Variants in EXOC6B observed in about 807,000 individuals in gnomAD.
The protein encoded by EXOC6B is SEC15 homolog B.
EXOC6B carries 54 observed loss-of-function variants against 113.5 expected under a neutral mutation model. The observed-to-expected ratio is 0.48, with a 90% confidence interval of 0.38 to 0.60. EXOC6B has a LOEUF of 0.60. Among genes scored for constraint, EXOC6B ranks in the 20% least tolerant of loss-of-function variants. The pLI is 0.00. For synonymous variants in EXOC6B, 357 were observed against 339.0 expected (o/e 1.05, Z -0.58); for missense variants, 797 against 977.5 (o/e 0.82, Z 2.46).
intron 6 of EXOC6B, among the ~76,000 whole-genome samples, chr2:72,686,126 A>G (rs1241590666): frequency 6.6e-6 from 1 of 151,914 alleles, no homozygotes. Context: ...TTTTTCCCCA[A>G]TTTTCTCCGG....
Position 72,638,456 on chromosome 2 carries a change from CA to C in EXOC6B, c.670-62789del, listed in dbSNP as rs559211139. 2.0e-5 allele frequency among the ~76,000 whole-genome samples: 3 copies of C among 152,164 alleles called. No individual in the cohort carries two copies. In the East Asian group the frequency reaches 5.8e-4, roughly 29 times the overall value. On this transcript the variant is annotated intron_variant, in intron 6 of 21. Transcript: ENST00000272427. ...GACAAGACAACTGGTATAATCCAAA[CA>C]GATCTTCTGAGAGAAGGTACCGAGA...
chr2:72,805,004 T>C (rs1318712036), intron 1 of EXOC6B, among the ~76,000 whole-genome samples: 2 of 152,212 alleles, frequency 1.3e-5, no homozygotes, highest in Non-Finnish European at 2.9e-5. Flanking sequence ...AATTTCAAAG[T>C]ATTTCTAGTA....
chr2:72,401,566 C>T (rs372718268), intron 18 of EXOC6B, among the ~76,000 whole-genome samples: 381 of 14,704 alleles, frequency 0.026, 9 homozygotes, highest in Middle Eastern at 0.12. Context: ...TATATATATA[C>T]ATATATATAT....
chr2:72,619,636 T>G (rs1671624575), intron 6 of EXOC6B, among the ~76,000 whole-genome samples: 1 of 151,960 alleles, frequency 6.6e-6, no homozygotes, highest in African/African-American at 2.4e-5. Context: ...TCAAGAATAG[T>G]GAGAGAGTCA....
chr2:72,263,865 G>A (rs1338978121), intron 20 of EXOC6B, among the ~76,000 whole-genome samples: 1 of 152,156 alleles, frequency 6.6e-6, no homozygotes, highest in South Asian at 2.1e-4. Flanking sequence ...AAGGGAAATT[G>A]TCTCTTTCAG....
At chr2:72,793,983 C>G (rs534160570) in intron 1 of EXOC6B, among the ~76,000 whole-genome samples, 74 of 152,302 alleles carry the variant, frequency 4.9e-4, no homozygotes, top group Non-Finnish European at 8.4e-4. Flanking sequence ...CCAGCAGGAG[C>G]TGCTCTAAAT....
intron 1 of EXOC6B, among the ~76,000 whole-genome samples, chr2:72,818,478 A>G (rs1476118311): frequency 6.6e-6 from 1 of 151,896 alleles, no homozygotes; most frequent in African/African-American, 2.4e-5. Context: ...TATTTTTAGT[A>G]GAGACACGGT....
At chr2:72,409,872 T>A (rs1694048752) in intron 18 of EXOC6B, among the ~76,000 whole-genome samples, 1 of 151,526 alleles carries the variant, frequency 6.6e-6, no homozygotes, top group Non-Finnish European at 1.5e-5. Context: ...TATAATAAAA[T>A]ATATATATAT....
intron 18 of EXOC6B, among the ~76,000 whole-genome samples, chr2:72,438,575 G>A (rs1011201224): frequency 6.6e-6 from 1 of 152,162 alleles, no homozygotes; most frequent in Admixed American, 6.5e-5. Context: ...TGCCACTGCA[G>A]TCAATACTGC....
intron 20 of EXOC6B, among the ~76,000 whole-genome samples, chr2:72,278,634 G>T (rs1684942678): frequency 6.6e-6 from 1 of 152,128 alleles, no homozygotes; most frequent in Admixed American, 6.6e-5. Context: ...GCTACTTAAT[G>T]GCTGTATGAT....
At chr2:72,249,356 G>A (rs946824867) in intron 20 of EXOC6B, among the ~76,000 whole-genome samples, 1 of 152,058 alleles carries the variant, frequency 6.6e-6, no homozygotes, top group African/African-American at 2.4e-5. Context: ...CCGGGTTCAC[G>A]TCATTCTCCT....
chr2:72,711,354 A>G (rs1415248024), intron 6 of EXOC6B, among the ~76,000 whole-genome samples: 1 of 152,200 alleles, frequency 6.6e-6, no homozygotes, highest in Non-Finnish European at 1.5e-5. Flanking sequence ...ACCTACATGT[A>G]TGTCCACTAA....
chr2:72,478,537 T>A (rs569079789), intron 17 of EXOC6B, among the ~76,000 whole-genome samples: 2 of 152,330 alleles, frequency 1.3e-5, no homozygotes, highest in South Asian at 4.1e-4. Flanking sequence ...TTTTAAGCAA[T>A]CAGTGTTTCC....
intron 1 of EXOC6B, among the ~76,000 whole-genome samples, chr2:72,805,044 G>T (rs970458383): frequency 2.0e-5 from 3 of 152,126 alleles, no homozygotes; most frequent in Non-Finnish European, 4.4e-5. Context: ...AAACCTTCTA[G>T]AATTCTGCCT....
intron 6 of EXOC6B, among the ~76,000 whole-genome samples, chr2:72,674,525 C>T (rs886722988): frequency 6.6e-6 from 1 of 152,144 alleles, no homozygotes; most frequent in Admixed American, 6.5e-5. Flanking sequence ...GGTAATGAAT[C>T]GTATACCTTT....
chr2:72,807,400 A>T (rs1685637197), intron 1 of EXOC6B, among the ~76,000 whole-genome samples: 1 of 152,144 alleles, frequency 6.6e-6, no homozygotes, highest in Non-Finnish European at 1.5e-5. Context: ...TGGTACCAGT[A>T]CCATGCTATT....
intron 18 of EXOC6B, chr2:72,464,189 C>T (rs1697891302): frequency 6.6e-6 from 1 of 152,090 alleles, no homozygotes; most frequent in African/African-American, 2.4e-5. Flanking sequence ...TGACAATCCC[C>T]AACACTTTTT....
intron 6 of EXOC6B, among the ~76,000 whole-genome samples, chr2:72,656,652 C>T (rs1056614065): frequency 1.3e-5 from 2 of 151,970 alleles, no homozygotes; most frequent in Non-Finnish European, 2.9e-5. Flanking sequence ...GGGTGAAAGT[C>T]AAAATTCTTC....
chr2:72,236,186 G>A (rs1681948120), intron 20 of EXOC6B, among the ~76,000 whole-genome samples: 1 of 152,156 alleles, frequency 6.6e-6, no homozygotes, highest in Non-Finnish European at 1.5e-5. Context: ...AAATCAAAGT[G>A]CATAATCCCT....
Sources: allele counts gnomAD v4.1 joint callset (sites outside exome capture counted in the v4.1 genomes callset), GRCh38; gene constraint gnomAD v4.1.1; transcripts MANE v1.5; gene names NCBI Gene and HGNC (gene_info 2026-07-23, HGNC 2026-07-21).